Variants in CCPG1 observed in about 807,000 individuals in gnomAD.
The protein encoded by CCPG1 is cell cycle progression protein 1.
A neutral mutation model predicts 81.3 loss-of-function variants in CCPG1; 46 were observed. The observed-to-expected ratio is 0.57, with a 90% confidence interval of 0.45 to 0.72. The LOEUF is 0.72. CCPG1 is among the 30% of genes least tolerant of loss of function. The probability of loss-of-function intolerance (pLI) is 0.00; values close to 1 mark genes in which losing one functional copy is unlikely to be tolerated. For synonymous variants in CCPG1, 330 were observed against 305.2 expected, an observed-to-expected ratio of 1.08 and a Z score of -0.85; for missense variants, 902 against 937.6, an observed-to-expected ratio of 0.96 and a Z score of 0.50.
intron 6 of CCPG1, among the ~76,000 whole-genome samples, chr15:55,368,377 T>C (rs1312991248): frequency 6.6e-6 from 1 of 152,184 alleles, no homozygotes; most frequent in Non-Finnish European, 1.5e-5. Flanking sequence ...TATCATAAAC[T>C]TACTATGATT....
Position 55,360,459 on chromosome 15 carries a change from T to A in CCPG1, c.1314A>T (p.Leu438=). The A allele has an allele frequency of 6.2e-7, 1 of 1,614,164 alleles. No homozygotes were observed. Among genetic ancestry groups the A allele is most frequent in the Non-Finnish European group, 8.5e-7 (1 of 1,180,038 alleles). Residue 438 remains leucine (L), a synonymous_variant, in exon 8 of 9, where the codon CTA becomes CTT. Coordinates refer to ENST00000442196, the MANE Select transcript of CCPG1 (RefSeq NM_001204450.2). ...RERLTELERK[L]TFEQQRSDLW... Reference sequence around the variant, plus strand: ...AATCAGAACGCTGCTGTTCGAAGGTTAGCTTCCGTTCCAGCTCAGTGAGTC... The same window carrying A: ...AATCAGAACGCTGCTGTTCGAAGGTAAGCTTCCGTTCCAGCTCAGTGAGTC...
intron 1 of CCPG1, among the ~76,000 whole-genome samples, chr15:55,389,971 T>G (rs1160199163): frequency 6.6e-6 from 1 of 152,232 alleles, no homozygotes; most frequent in Non-Finnish European, 1.5e-5. Context: ...GTCGACCGGT[T>G]GGAGTGCGGT....
chr15:55,374,316 A>C, intron 5 of CCPG1: 1 of 810,524 alleles, frequency 1.2e-6, no homozygotes, highest in South Asian at 1.5e-5. Flanking sequence ...AAGAAAAAAA[A>C]GAATTAAAAA....
rs756792165 is a variant in CCPG1 at position 55,359,808 on chromosome 15, T to C, written c.1965A>G (p.Glu655=). The C allele has an allele frequency of 6.2e-7, 1 of 1,613,334 alleles. No individual in the cohort carries two copies. Among genetic ancestry groups the C allele is most frequent in the Admixed American group, 1.7e-5 (1 of 59,990 alleles). ...NTVVNPIRMD[E]FRQIIQRYML... ...TGTACCTTTGAATTATCTGTCTAAA[T>C]TCATCCATCCTTATAGGATTCACCA... Residue 655 remains glutamate (E), a synonymous_variant, in exon 8 of 9, where the codon GAA becomes GAG. Coordinates refer to ENST00000442196, the MANE Select transcript of CCPG1 (RefSeq NM_001204450.2).
Position 55,377,081 on chromosome 15 carries a change from T to A in CCPG1, c.322A>T (p.Thr108Ser). ...GTASDDSDIV[T>S]LEPPKLEEIG... ...TCTTCTAACTTAGGTGGCTCAAGGG[T>A]AACAATATCAGAATCATCACTGGCA... Residue 108 changes from threonine (T) to serine (S), a missense_variant, in exon 5 of 9, where the codon ACC becomes TCC. By Grantham distance (58) the Thr-to-Ser change is moderately conservative. This residue lies in a region of CCPG1 where 746 missense variants were observed against 728.6 expected (regional missense o/e 1.02). Coordinates refer to ENST00000442196, the MANE Select transcript of CCPG1 (RefSeq NM_001204450.2). 2 of 1,613,718 alleles carry A rather than the reference T, an allele frequency of 1.2e-6. No homozygotes were observed. Among genetic ancestry groups the A allele is most frequent in the Middle Eastern group, 1.7e-4 (1 of 6,060 alleles).
intron 1 of CCPG1, among the ~76,000 whole-genome samples, chr15:55,401,119 T>C (rs1365239401): frequency 6.6e-6 from 1 of 152,228 alleles, no homozygotes; most frequent in Admixed American, 6.5e-5. Context: ...GTTTAATTCA[T>C]GCATTTGGAT....
At chr15:55,370,969 C>T (rs1398960943) in intron 6 of CCPG1, among the ~76,000 whole-genome samples, 1 of 150,808 alleles carries the variant, frequency 6.6e-6, no homozygotes, top group African/African-American at 2.4e-5. Flanking sequence ...AAAAATTAGC[C>T]AGGCATGGTG....
intron 6 of CCPG1, among the ~76,000 whole-genome samples, chr15:55,369,996 C>A (rs2056413890): frequency 6.9e-6 from 1 of 144,736 alleles, no homozygotes; most frequent in Non-Finnish European, 1.5e-5. Flanking sequence ...GCTAGATAGT[C>A]TATAAAGGTA....
At chr15:55,382,030 T>C (rs2056708724) in intron 3 of CCPG1, among the ~76,000 whole-genome samples, 1 of 152,208 alleles carries the variant, frequency 6.6e-6, no homozygotes, top group African/African-American at 2.4e-5. Context: ...AAATACATTA[T>C]TGCTAAAAAG....
intron 1 of CCPG1, among the ~76,000 whole-genome samples, chr15:55,395,790 A>T (rs969038258): frequency 6.6e-6 from 1 of 152,182 alleles, no homozygotes. Flanking sequence ...AATGCTAAAT[A>T]CATATTAAGC....
intron 1 of CCPG1, among the ~76,000 whole-genome samples, chr15:55,392,889 G>A (rs934642825): frequency 1.3e-5 from 2 of 152,112 alleles, no homozygotes; most frequent in Admixed American, 6.5e-5. Flanking sequence ...TAGATCATAA[G>A]GGCAGGAGTT....
intron 6 of CCPG1, among the ~76,000 whole-genome samples, chr15:55,368,886 C>A (rs565829768): frequency 2.0e-5 from 3 of 151,820 alleles, no homozygotes; most frequent in African/African-American, 7.3e-5. Flanking sequence ...CCGAGGCAGG[C>A]GGATCACTTA....
chr15:55,389,587 G>A (rs1042905495), intron 1 of CCPG1, among the ~76,000 whole-genome samples, 154 bp from the exon 2 acceptor site: 17 of 152,106 alleles, frequency 1.1e-4, no homozygotes, highest in African/African-American at 4.1e-4. Flanking sequence ...AACATGACAG[G>A]ACTGCATACC....
intron 8 of CCPG1, chr15:55,357,225 G>A: frequency 1.1e-6 from 1 of 871,274 alleles, no homozygotes; most frequent in Non-Finnish European, 1.3e-6. Context: ...TATCTCAGTG[G>A]TACTACTATC....
At chr15:55,366,878 A>G (rs893013963) in intron 6 of CCPG1, among the ~76,000 whole-genome samples, 1 of 150,776 alleles carries the variant, frequency 6.6e-6, no homozygotes, top group Non-Finnish European at 1.5e-5. Context: ...TATGGGGGGA[A>G]AAAACCACGA....
At chr15:55,376,043 T>C (rs1315360797) in intron 5 of CCPG1, among the ~76,000 whole-genome samples, 4 of 152,184 alleles carry the variant, frequency 2.6e-5, no homozygotes, top group Admixed American at 2.6e-4. Flanking sequence ...AGAAATTCTA[T>C]TGTCTGATTC....
At chr15:55,370,524 C>T (rs1010211531) in intron 6 of CCPG1, among the ~76,000 whole-genome samples, 2 of 152,170 alleles carry the variant, frequency 1.3e-5, no homozygotes, top group African/African-American at 4.8e-5. Context: ...GGCACGGTGG[C>T]TCATGCCTAT....
At chr15:55,402,255 G>A (rs961823812) in intron 1 of CCPG1, among the ~76,000 whole-genome samples, 6 of 151,894 alleles carry the variant, frequency 4.0e-5, no homozygotes, top group Middle Eastern at 3.2e-3. Context: ...ACAGGATCTC[G>A]CTCTGTCACT....
chr15:55,360,507 C>T lies in CCPG1; in HGVS notation c.1266G>A (p.Lys422=). The T allele has an allele frequency of 6.2e-7, 1 of 1,614,040 alleles. No individual in the cohort carries two copies. Among genetic ancestry groups the T allele is most frequent in the Non-Finnish European group, 8.5e-7 (1 of 1,179,998 alleles). The change falls in exon 8 of 9, where the codon AAG becomes AAA. Residue 422 remains lysine, a synonymous_variant. Coordinates refer to ENST00000442196, the MANE Select transcript of CCPG1 (RefSeq NM_001204450.2). The part of the protein sequence containing the change: ...SDSPNVYTEK[K]EIAILRERLT... ...GTCTTTCCCGTAAGATTGCTATTTC[C>T]TTTTTTTCAGTATATACATTGGGAG...
Sources: allele counts gnomAD v4.1 joint callset (sites outside exome capture counted in the v4.1 genomes callset), GRCh38; gene constraint gnomAD v4.1.1; regional missense constraint gnomAD v4.1.1; transcripts MANE v1.5; gene names NCBI Gene and HGNC (gene_info 2026-07-23, HGNC 2026-07-21).